PALM2AKAP2: variants seen among roughly 807,000 people sequenced by gnomAD.
PALM2AKAP2 encodes the protein PALM2 and AKAP2 fusion.
PALM2AKAP2 carries 37 observed loss-of-function variants against 71.5 expected under a neutral mutation model. The ratio of observed to expected loss-of-function variants is 0.52; its 90% CI spans 0.40 to 0.68. PALM2AKAP2 has a LOEUF of 0.68. Among genes scored for constraint, PALM2AKAP2 ranks in the 30% least tolerant of loss-of-function variants. The pLI is 0.00. For missense variants in PALM2AKAP2, 1,224 were observed against 1,191.8 expected (o/e 1.03, Z -0.40); for synonymous variants, 468 against 478.8 (o/e 0.98, Z 0.29).
chr9:109,684,567 A>G (rs1217904555), intron 1 of PALM2AKAP2, among the ~76,000 whole-genome samples: 2 of 152,242 alleles, frequency 1.3e-5, no homozygotes, highest in African/African-American at 4.8e-5. Flanking sequence ...TTTCTAATCC[A>G]TCACAGCCAA....
At chr9:109,901,096 G>A (rs1053212652) in intron 3 of PALM2AKAP2, among the ~76,000 whole-genome samples, 2 of 152,174 alleles carry the variant, frequency 1.3e-5, no homozygotes, top group Non-Finnish European at 2.9e-5. Context: ...GAAAATGGGG[G>A]TCCTTCCTTG....
chr9:109,911,717 C>T (rs933073361), intron 3 of PALM2AKAP2, among the ~76,000 whole-genome samples: 3 of 152,190 alleles, frequency 2.0e-5, no homozygotes, highest in African/African-American at 4.8e-5. Flanking sequence ...CCTTTAGAAG[C>T]ATGTTCTTGG....
At chr9:110,096,679 G>T (rs1160756766) in intron 1 of PALM2AKAP2, among the ~76,000 whole-genome samples, 8 of 151,864 alleles carry the variant, frequency 5.3e-5, no homozygotes, top group African/African-American at 1.7e-4. Context: ...TCCACTGTGT[G>T]TAAGATGTGT....
chr9:109,775,497 A>T (rs562297287), upstream of PALM2AKAP2, among the ~76,000 whole-genome samples: 9 of 152,324 alleles, frequency 5.9e-5, no homozygotes, highest in African/African-American at 2.2e-4. Flanking sequence ...AGAGCTAACA[A>T]CCACAGGAGC....
At chr9:109,836,081 C>A (rs1241938746) in intron 1 of PALM2AKAP2, among the ~76,000 whole-genome samples, 1 of 152,222 alleles carries the variant, frequency 6.6e-6, no homozygotes, top group Non-Finnish European at 1.5e-5. Flanking sequence ...AGTCTGCCTC[C>A]TCAAGTGGGT....
chr9:110,087,847 C>A (rs558340155), intron 1 of PALM2AKAP2, among the ~76,000 whole-genome samples: 1 of 152,218 alleles, frequency 6.6e-6, no homozygotes, highest in African/African-American at 2.4e-5. Flanking sequence ...AGGAGGGAAG[C>A]AAACACAGAG....
At chr9:109,988,739 G>A (rs1832422728) in intron 6 of PALM2AKAP2, among the ~76,000 whole-genome samples, 1 of 152,102 alleles carries the variant, frequency 6.6e-6, no homozygotes, top group Admixed American at 6.6e-5. Flanking sequence ...GAAAAAGCAA[G>A]CAAACAAAGA....
chr9:109,910,629 C>G (rs977391766), intron 3 of PALM2AKAP2, among the ~76,000 whole-genome samples: 2 of 152,182 alleles, frequency 1.3e-5, no homozygotes, highest in Non-Finnish European at 2.9e-5. Context: ...CAAAGAGGGT[C>G]CGCTGGACGT....
intron 5 of PALM2AKAP2, among the ~76,000 whole-genome samples, chr9:109,928,675 CT>C (rs35829270): frequency 2.2e-3 from 313 of 142,940 alleles, no homozygotes; most frequent in Middle Eastern, 7.2e-3. Flanking sequence ...CTCTCGCTCT[CT>C]TTTTTTTTTT....
At chr9:110,080,774 G>T (rs1834432760) in intron 1 of PALM2AKAP2, among the ~76,000 whole-genome samples, 1 of 152,138 alleles carries the variant, frequency 6.6e-6, no homozygotes, top group South Asian at 2.1e-4. Context: ...CGCCTCCCGG[G>T]TTCAAGCGAT....
chr9:109,812,063 G>A (rs1165242854), intron 1 of PALM2AKAP2, among the ~76,000 whole-genome samples: 1 of 152,190 alleles, frequency 6.6e-6, no homozygotes. Context: ...CCACAGTCTC[G>A]GTCACAATAA....
intron 1 of PALM2AKAP2, among the ~76,000 whole-genome samples, chr9:109,810,257 A>C (rs1827693265): frequency 6.6e-6 from 1 of 152,174 alleles, no homozygotes; most frequent in Admixed American, 6.6e-5. Flanking sequence ...AGGTTGGATG[A>C]AATCACCATG....
chr9:109,695,262 T>C (rs1003626782), intron 1 of PALM2AKAP2, among the ~76,000 whole-genome samples: 1 of 152,148 alleles, frequency 6.6e-6, no homozygotes, highest in Admixed American at 6.6e-5. Context: ...GCAAAAAACA[T>C]GGGAATGAAG....
At chr9:109,706,096 A>G (rs1476410778) in intron 1 of PALM2AKAP2, among the ~76,000 whole-genome samples, 16 of 152,224 alleles carry the variant, frequency 1.1e-4, no homozygotes, top group Non-Finnish European at 1.5e-5. Context: ...CATTTGAGAT[A>G]GAAACATTTA....
chr9:109,867,164 C>CTGTGTGTG (rs56194780), intron 1 of PALM2AKAP2: 18,684 of 395,746 alleles, frequency 0.047, 389 homozygotes, highest in Admixed American at 0.056. Context: ...ACATGGTTCT[C>CTGTGTGTG]TGTGTGTGTG....
intron 1 of PALM2AKAP2, among the ~76,000 whole-genome samples, chr9:109,785,542 T>C (rs1055431655): frequency 5.9e-5 from 9 of 152,184 alleles, no homozygotes; most frequent in Non-Finnish European, 1.2e-4. Context: ...AATGGACTTA[T>C]AGTTCCACGT....
intron 3 of PALM2AKAP2, among the ~76,000 whole-genome samples, chr9:109,906,960 C>T (rs962774563): frequency 1.3e-5 from 2 of 152,192 alleles, no homozygotes; most frequent in Non-Finnish European, 2.9e-5. Context: ...ATAGGCCAGT[C>T]CTACAGAGGT....
chr9:109,965,771 C>A (rs2132132518), intron 6 of PALM2AKAP2, among the ~76,000 whole-genome samples: 1 of 152,204 alleles, frequency 6.6e-6, no homozygotes, highest in African/African-American at 2.4e-5. Context: ...TCGTGCAGTA[C>A]CTGGCCATTG....
chr9:109,682,182 G>A (rs1827745265), intron 1 of PALM2AKAP2, among the ~76,000 whole-genome samples: 1 of 152,134 alleles, frequency 6.6e-6, no homozygotes, highest in African/African-American at 2.4e-5. Context: ...AGAAGTGCAT[G>A]GATTGATAAT....
Sources: gnomAD v4.1 joint callset for allele counts (sites outside exome capture counted in the v4.1 genomes callset) on GRCh38, gnomAD v4.1.1 for gene constraint, MANE v1.5 for transcripts, NCBI Gene and HGNC (gene_info 2026-07-23, HGNC 2026-07-21) for gene names.